ZBTB38: variants seen among roughly 807,000 people sequenced by gnomAD.
The protein encoded by ZBTB38 is zinc finger and BTB domain containing 38.
A neutral mutation model predicts 76.8 loss-of-function variants in ZBTB38; 20 were observed. The ratio of observed to expected loss-of-function variants is 0.26; its 90% CI spans 0.18 to 0.38. The LOEUF is 0.38. Among genes scored for constraint, ZBTB38 ranks in the 10% least tolerant of loss-of-function variants. The pLI is 1.00. For synonymous variants in ZBTB38, 504 were observed against 544.2 expected (o/e 0.93, Z 1.03); for missense variants, 1,082 against 1,482.3 (o/e 0.73, Z 4.43).
intron 1 of ZBTB38, among the ~76,000 whole-genome samples, chr3:141,335,188 T>C (rs1245643877): frequency 1.3e-5 from 2 of 152,260 alleles, no homozygotes; most frequent in Non-Finnish European, 2.9e-5. Context: ...ACAGCCTTAG[T>C]GTCCCTCGTG....
intron 1 of ZBTB38, among the ~76,000 whole-genome samples, chr3:141,348,575 C>T (rs1249828309): frequency 6.6e-6 from 1 of 152,190 alleles, no homozygotes; most frequent in African/African-American, 2.4e-5. Context: ...TCAAAGGGCC[C>T]TCAACTAAAG....
At chr3:141,326,730 A>G (rs1576624040) in intron 1 of ZBTB38, among the ~76,000 whole-genome samples, 1 of 152,156 alleles carries the variant, frequency 6.6e-6, no homozygotes, top group African/African-American at 2.4e-5. Flanking sequence ...TTGTTTTTGG[A>G]ACAAAGTAGG....
At position 141,442,710 on chromosome 3, in the gene ZBTB38, G is replaced by A. The variant is rs371485211; in HGVS notation, c.322G>A (p.Ala108Thr). The stretch of plus-strand genomic sequence containing the variant: ...GAGACAGGAAACAGTCACTGATCTC[G>A]CAGCTGCAGGAAAAAAGCTGGGAAT... ...VKRQETVTDL[A>T]AAGKKLGISF... Residue 108 changes from alanine to threonine, a missense_variant, in exon 6 of 6, where the codon GCA becomes ACA. Transcript: ENST00000321464. The surrounding 1 kb of genome is among the most constrained non-coding windows in gnomAD (Gnocchi z 6.4). The A allele has an allele frequency of 1.2e-6, 2 of 1,613,974 alleles. No individual in the cohort carries two copies. Among genetic ancestry groups the A allele is most frequent in the East Asian group, 2.2e-5 (1 of 44,900 alleles).
At chr3:141,397,515 C>A (rs1388503478) in intron 4 of ZBTB38, among the ~76,000 whole-genome samples, 5 of 152,214 alleles carry the variant, frequency 3.3e-5, no homozygotes, top group African/African-American at 1.2e-4. Context: ...ATGCTTAGCA[C>A]AAGAGGGCTA....
At chr3:141,423,952 C>G (rs763200209) in intron 5 of ZBTB38, among the ~76,000 whole-genome samples, 1 of 152,106 alleles carries the variant, frequency 6.6e-6, no homozygotes, top group Non-Finnish European at 1.5e-5. Flanking sequence ...GTAAACAGAT[C>G]GGAGAGGTAA....
chr3:141,344,804 T>A (rs1943297030), intron 1 of ZBTB38, among the ~76,000 whole-genome samples: 1 of 152,242 alleles, frequency 6.6e-6, no homozygotes, highest in Non-Finnish European at 1.5e-5. Flanking sequence ...CTTATTCAGA[T>A]CTTGCAGGAT....
chr3:141,361,717 T>C (rs1163985055), intron 1 of ZBTB38, among the ~76,000 whole-genome samples: 1 of 152,208 alleles, frequency 6.6e-6, no homozygotes, highest in Non-Finnish European at 1.5e-5. Context: ...AAACAGAAGT[T>C]ACTCCTTCTC....
chr3:141,324,530 T>C (rs1942617442), intron 1 of ZBTB38: 1 of 152,252 alleles, frequency 6.6e-6, no homozygotes. Flanking sequence ...ATTCCATTAG[T>C]GTATTTTCTC....
chr3:141,377,252 C>T (rs1237509469), intron 2 of ZBTB38, among the ~76,000 whole-genome samples: 1 of 152,242 alleles, frequency 6.6e-6, no homozygotes, highest in African/African-American at 2.4e-5. Context: ...AAGACCATCC[C>T]ATTTTCCATC....
At chr3:141,329,984 A>G (rs978993694) in intron 1 of ZBTB38, among the ~76,000 whole-genome samples, 59 of 151,568 alleles carry the variant, frequency 3.9e-4, no homozygotes, top group African/African-American at 1.4e-3. Flanking sequence ...TTATATATCT[A>G]CATATATTGT....
chr3:141,408,878 C>T (rs1955614617), intron 5 of ZBTB38, among the ~76,000 whole-genome samples: 1 of 152,100 alleles, frequency 6.6e-6, no homozygotes, highest in Non-Finnish European at 1.5e-5. Flanking sequence ...CTCTCTATAC[C>T]CACAGCTCCC....
chr3:141,387,380 G>C (rs1004077583), intron 4 of ZBTB38: 3 of 151,908 alleles, frequency 2.0e-5, no homozygotes, highest in Non-Finnish European at 4.4e-5. Context: ...AATGTATGTT[G>C]TATTGTTAAT....
chr3:141,340,933 A>AAAAGAAAAGAAAAGAAAAGAAAAGAAAAG (rs1184301259), intron 1 of ZBTB38, among the ~76,000 whole-genome samples: 1 of 79,460 alleles, frequency 1.3e-5, no homozygotes, highest in East Asian at 3.0e-4. Flanking sequence ...AGGAAAAAAG[A>AAAAGAAAAGAAAAGAAAAGAAAAGAAAAG]AAAGAAAAGA....
rs1445120917 is a variant in ZBTB38 at position 141,401,111 on chromosome 3, T to A, written c.-105-2816T>A. Among the ~76,000 whole-genome samples the A allele has an allele frequency of 2.0e-5, 3 of 152,248 alleles. No homozygotes were observed. In the East Asian group the frequency reaches 5.8e-4, roughly 29 times the overall value. On this transcript the variant is annotated intron_variant, in intron 4 of 5. Transcript: ENST00000321464. ...TTAATAGATCACAAATTTTTTAGGT[T>A]GGAATCCACTATTAACAACAGGTTA...
chr3:141,355,100 T>C (rs905767076), intron 1 of ZBTB38, among the ~76,000 whole-genome samples: 1 of 152,036 alleles, frequency 6.6e-6, no homozygotes, highest in Non-Finnish European at 1.5e-5. Flanking sequence ...AAGATTACAA[T>C]GAGAGGAAGG....
intron 4 of ZBTB38, chr3:141,402,525 G>C (rs1380698456): frequency 6.7e-6 from 1 of 149,024 alleles, no homozygotes; most frequent in South Asian, 2.1e-4. Context: ...CGCGGCGCCC[G>C]TGGCGCCGCC....
At chr3:141,332,743 C>A (rs1192886420) in intron 1 of ZBTB38, among the ~76,000 whole-genome samples, 1 of 152,196 alleles carries the variant, frequency 6.6e-6, no homozygotes, top group Admixed American at 6.5e-5. Flanking sequence ...ACCCAGAGGG[C>A]AGCTCTGCTT....
intron 1 of ZBTB38, among the ~76,000 whole-genome samples, chr3:141,360,402 G>A (rs552351775): frequency 2.6e-4 from 39 of 152,262 alleles, no homozygotes; most frequent in African/African-American, 9.1e-4. Flanking sequence ...TGCCATTTTT[G>A]TACATCAAAA....
At chr3:141,439,991 G>A (rs564225158) in intron 5 of ZBTB38, among the ~76,000 whole-genome samples, 25 of 152,284 alleles carry the variant, frequency 1.6e-4, no homozygotes, top group African/African-American at 5.5e-4. Context: ...CCTTCACTCC[G>A]GGGTCACCCT....
Sources: gnomAD v4.1 joint callset for allele counts (sites outside exome capture counted in the v4.1 genomes callset) on GRCh38, gnomAD v4.1.1 for gene constraint, Gnocchi (gnomAD v3.1) non-coding constraint, MANE v1.5 for transcripts, NCBI Gene and HGNC (gene_info 2026-07-23, HGNC 2026-07-21) for gene names.